Variants in PRKN observed in about 807,000 individuals in gnomAD.
PRKN encodes parkin RBR E3 ubiquitin protein ligase.
Under a neutral mutation model 59.5 loss-of-function variants are expected in PRKN, and 56 were observed. That is an observed-to-expected ratio of 0.94 (90% CI 0.76 to 1.18). The LOEUF (loss-of-function observed/expected upper bound fraction) is 1.18, where lower values mean the gene tolerates loss of function less well. PRKN is among the 50% of genes most tolerant of loss of function. PRKN has a pLI of 0.00. For missense variants in PRKN, 657 were observed against 596.4 expected (o/e 1.10, Z -1.06); for synonymous variants, 250 against 222.1 (o/e 1.13, Z -1.12).
Position 162,005,552 on chromosome 6 carries a change from A to G in PRKN, c.619-32135T>C, listed in dbSNP as rs113783606. ...TCTGCAGGACTATTAAATTGGTAGA[A>G]AAAAAAAAAGGAATGAAACTCTTGA... On this transcript the variant is annotated intron_variant, in intron 5 of 11. Coordinates refer to ENST00000366898, the MANE Select transcript of PRKN (RefSeq NM_004562.3). Among the ~76,000 whole-genome samples the G allele has an allele frequency of 5.6e-4, 23 of 41,182 alleles. No homozygotes were observed. The East Asian group carries it at 0.02, about 35-fold the overall frequency. 27.0% of individuals were successfully genotyped at this position (41,182 alleles called of 152,430 possible). A position where few individuals can be genotyped will look rare whatever the true frequency, so the allele number is the denominator to read the frequency against.
At position 161,353,939 on chromosome 6, in the gene PRKN, A is replaced by G. The variant is rs1486270285; in HGVS notation, c.1286-3728T>C. On this transcript the variant is annotated intron_variant, in intron 11 of 11. Coordinates refer to ENST00000366898, the MANE Select transcript of PRKN (RefSeq NM_004562.3). This position sits in a 1 kb window ranked among gnomAD's most constrained non-coding sequence, Gnocchi z 4.8. The stretch of plus-strand genomic sequence containing the variant: ...GAAAAACCCCCGCACATTCCGTCAC[A>G]GAAGTCTTCTGTGCTGACTGTTGTT... Among the ~76,000 whole-genome samples, 1 of 152,234 alleles carries G rather than the reference A, an allele frequency of 6.6e-6. No homozygotes were observed. Among genetic ancestry groups the G allele is most frequent in the Non-Finnish European group, 1.5e-5 (1 of 68,042 alleles).
rs985909410 is a variant in PRKN, at chr6:161,352,821, C to G, written c.1286-2610G>C. 6.6e-6 allele frequency among the ~76,000 whole-genome samples: 1 copy of G among 150,852 alleles called. No individual in the cohort carries two copies. Among genetic ancestry groups the G allele is most frequent in the East Asian group, 1.9e-4 (1 of 5,162 alleles). ...TTTGAGATGGAGTCTCGCTCTGTCG[C>G]CCAGGCTGGAGTACAGGGCGCGATC... On this transcript the variant is annotated intron_variant, in intron 11 of 11. Coordinates refer to ENST00000366898, the MANE Select transcript of PRKN (RefSeq NM_004562.3). The surrounding 1 kb of genome is among the most constrained non-coding windows in gnomAD (Gnocchi z 5.8).
At chr6:162,300,027 A>AT (rs1781870355) in intron 2 of PRKN, among the ~76,000 whole-genome samples, 1 of 152,142 alleles carries the variant, frequency 6.6e-6, no homozygotes. Context: ...TTTTTTTAAT[A>AT]ATACAGAAAT....
intron 2 of PRKN, among the ~76,000 whole-genome samples, chr6:162,393,579 C>T (rs1401377220): frequency 6.6e-6 from 1 of 152,172 alleles, no homozygotes; most frequent in Non-Finnish European, 1.5e-5. Flanking sequence ...CTTATTTACT[C>T]TTACATAATA....
At chr6:161,884,921 T>C (rs770415633) in intron 6 of PRKN, among the ~76,000 whole-genome samples, 1 of 151,130 alleles carries the variant, frequency 6.6e-6, no homozygotes, top group African/African-American at 2.4e-5. Flanking sequence ...CAGCAAAGAA[T>C]AGCACTAGAC....
chr6:162,277,046 GT>G (rs1232421925), intron 2 of PRKN, among the ~76,000 whole-genome samples: 3 of 152,134 alleles, frequency 2.0e-5, no homozygotes, highest in Admixed American at 6.5e-5. Flanking sequence ...GTAAGAAAGA[GT>G]TCTTCCATAC....
At chr6:161,637,156 C>A (rs1783554515) in intron 7 of PRKN, among the ~76,000 whole-genome samples, 1 of 152,122 alleles carries the variant, frequency 6.6e-6, no homozygotes, top group Admixed American at 6.5e-5. Flanking sequence ...AGTGTGTCTG[C>A]TGAGGATCTG....
intron 9 of PRKN, among the ~76,000 whole-genome samples, chr6:161,430,363 A>G (rs1262505155): frequency 6.6e-6 from 1 of 152,214 alleles, no homozygotes; most frequent in Non-Finnish European, 1.5e-5. Flanking sequence ...TTGAAGTTCA[A>G]CATGAGTTTT....
Position 161,581,622 on chromosome 6 carries a change from T to G in PRKN, c.872-12206A>C, listed in dbSNP as rs990297142. On this transcript the variant is annotated intron_variant, in intron 7 of 11. Coordinates refer to ENST00000366898, the MANE Select transcript of PRKN (RefSeq NM_004562.3). This position sits in a 1 kb window ranked among gnomAD's most constrained non-coding sequence, Gnocchi z 4.5. Reference sequence around the variant, plus strand: ...CAAGGTGAAGGGCGTTGGGCCTATGTCATCAACAGTGAGCAAGAGACAGGA... The same window carrying G: ...CAAGGTGAAGGGCGTTGGGCCTATGGCATCAACAGTGAGCAAGAGACAGGA... 6.6e-6 allele frequency among the ~76,000 whole-genome samples: 1 copy of G among 152,136 alleles called. No homozygotes were observed. The highest frequency in any genetic ancestry group is 2.4e-5 in the African/African-American group (1 of 41,420).
chr6:162,273,719 A>T (rs1211295897), intron 2 of PRKN, among the ~76,000 whole-genome samples: 1 of 152,186 alleles, frequency 6.6e-6, no homozygotes, highest in East Asian at 1.9e-4. Context: ...TAAAAAATCC[A>T]ATTCATTGAG....
chr6:161,762,796 C>T (rs905751015), intron 7 of PRKN, among the ~76,000 whole-genome samples: 1 of 152,134 alleles, frequency 6.6e-6, no homozygotes, highest in African/African-American at 2.4e-5. Flanking sequence ...GCCACCATTG[C>T]TCTCAAATAT....
At chr6:162,652,156 TC>T (rs1778469061) in intron 1 of PRKN, among the ~76,000 whole-genome samples, 1 of 152,168 alleles carries the variant, frequency 6.6e-6, no homozygotes, top group African/African-American at 2.4e-5. Flanking sequence ...ATCATCAATG[TC>T]CACTGGTGGC....
chr6:162,096,601 T>A (rs1779744011), intron 4 of PRKN, among the ~76,000 whole-genome samples: 1 of 152,028 alleles, frequency 6.6e-6, no homozygotes, highest in African/African-American at 2.4e-5. Context: ...CCCACACTGT[T>A]CCCCTGGTAG....
chr6:161,870,700 G>T (rs1429768774), intron 6 of PRKN, among the ~76,000 whole-genome samples: 1 of 152,146 alleles, frequency 6.6e-6, no homozygotes, highest in Non-Finnish European at 1.5e-5. Flanking sequence ...CAATACGAGA[G>T]AAATGATTAA....
chr6:161,528,471 T>G (rs964629281), intron 9 of PRKN, among the ~76,000 whole-genome samples: 2 of 151,950 alleles, frequency 1.3e-5, no homozygotes, highest in African/African-American at 4.8e-5. Flanking sequence ...AAATGGGAAA[T>G]AAGACAGGAA....
chr6:161,351,913 T>C (rs1380478995), intron 11 of PRKN, among the ~76,000 whole-genome samples: 2 of 152,178 alleles, frequency 1.3e-5, no homozygotes, highest in Non-Finnish European at 2.9e-5. Context: ...GTCCCTTATC[T>C]TGGAACTTAT....
rs562998561 is a variant in PRKN at position 161,616,930 on chromosome 6, T to C, written c.872-47514A>G. Among the ~76,000 whole-genome samples, 14 of 152,324 alleles carry C rather than the reference T, an allele frequency of 9.2e-5. No individual in the cohort carries two copies. The South Asian group carries it at 2.9e-3, about 32-fold the overall frequency. On this transcript the variant is annotated intron_variant, in intron 7 of 11. Coordinates refer to ENST00000366898, the MANE Select transcript of PRKN (RefSeq NM_004562.3). ...AATCATTTGGGTATATACCCAGTAA[T>C]GAGATTGCTGGGTCAAATGGTATTT... is the stretch of plus-strand genomic sequence containing the variant.
intron 7 of PRKN, among the ~76,000 whole-genome samples, chr6:161,609,885 G>C (rs766583864): frequency 2.6e-5 from 4 of 152,106 alleles, no homozygotes; most frequent in African/African-American, 4.8e-5. Flanking sequence ...AAAGGAGAAT[G>C]CTTTTCCAAT....
intron 9 of PRKN, among the ~76,000 whole-genome samples, chr6:161,489,723 C>A (rs1188068734): frequency 2.6e-5 from 4 of 151,926 alleles, no homozygotes; most frequent in Non-Finnish European, 4.4e-5. Flanking sequence ...ATTACTACAA[C>A]ACTTATGGTA....
Sources: allele counts gnomAD v4.1 joint callset (sites outside exome capture counted in the v4.1 genomes callset), GRCh38; gene constraint gnomAD v4.1.1; non-coding constraint Gnocchi (gnomAD v3.1); transcripts MANE v1.5; gene names NCBI Gene and HGNC (gene_info 2026-07-23, HGNC 2026-07-21).